The following MAP3K8 variants were observed in gnomAD, a reference collection of about 807,000 sequenced individuals.
MAP3K8 encodes the protein Ewing sarcoma transformant.
A neutral mutation model predicts 45.8 loss-of-function variants in MAP3K8; 22 were observed. The observed-to-expected ratio is 0.48, with a 90% CI of 0.34 to 0.69. The LOEUF (loss-of-function observed/expected upper bound fraction) is 0.69. Ranked by LOEUF, MAP3K8 falls within the 30% of genes least tolerant of loss-of-function variation. The pLI, the probability that MAP3K8 is intolerant of heterozygous loss-of-function variation, is 0.01. For missense variants in MAP3K8, 419 were observed against 585.0 expected, an observed-to-expected ratio of 0.72 and a Z score of 2.93; for synonymous variants, 223 against 214.3, an observed-to-expected ratio of 1.04 and a Z score of -0.36.
intron 8 of MAP3K8, among the ~76,000 whole-genome samples, chr10:30,460,352 A>G (rs1390164501): frequency 6.6e-6 from 1 of 152,232 alleles, no homozygotes; most frequent in African/African-American, 2.4e-5. Context: ...CATTTTTATT[A>G]AAAGTCTGTG....
At chr10:30,457,540 A>T (rs1162912116) in intron 6 of MAP3K8, among the ~76,000 whole-genome samples, 1 of 152,184 alleles carries the variant, frequency 6.6e-6, no homozygotes, top group Non-Finnish European at 1.5e-5. Flanking sequence ...ACTTAGCTAC[A>T]CCTGATCAGT....
Position 30,434,346 on chromosome 10 carries a change from C to A in MAP3K8, c.-287C>A, listed in dbSNP as rs1002301425. ...AACCTTCGGGGGGCCGCGGCTGGAGCGCTCGGCCGGCGTGGGAGCGCCAAG... is the reference window on the plus strand; with the variant it reads ...AACCTTCGGGGGGCCGCGGCTGGAGAGCTCGGCCGGCGTGGGAGCGCCAAG... On this transcript the variant is annotated 5_prime_UTR_variant, in exon 1 of 9. Transcript: ENST00000263056. The A allele has an allele frequency of 3.2e-6, 2 of 634,128 alleles. No homozygotes were observed. Among genetic ancestry groups the A allele is most frequent in the African/African-American group, 2.0e-5 (1 of 50,624 alleles). The allele number at this position is 634,128 out of a possible 1,614,324, so 39.3% of individuals were successfully genotyped here.
At chr10:30,451,768 G>T (rs552197626) in intron 6 of MAP3K8, 24 bp downstream of exon 6, 2 of 1,280,122 alleles carry the variant, frequency 1.6e-6, no homozygotes, top group South Asian at 2.9e-5. Context: ...CATGAAAAGG[G>T]TTACTATTTT....
At chr10:30,442,469 A>G (rs1836147279) in intron 3 of MAP3K8, among the ~76,000 whole-genome samples, 1 of 152,228 alleles carries the variant, frequency 6.6e-6, no homozygotes, top group Non-Finnish European at 1.5e-5. Flanking sequence ...CCATTGAGTT[A>G]TTTAGACAGG....
At chr10:30,434,690 A>T in intron 1 of MAP3K8, 1 of 985,438 alleles carries the variant, frequency 1.0e-6, no homozygotes, top group Non-Finnish European at 1.2e-6. Flanking sequence ...ACCCGCTGTC[A>T]CTGCGCCTCC....
At chr10:30,449,105 A>G (rs1474688618) in intron 4 of MAP3K8, among the ~76,000 whole-genome samples, 1 of 152,198 alleles carries the variant, frequency 6.6e-6, no homozygotes, top group African/African-American at 2.4e-5. Context: ...ATGAGATTCT[A>G]TTTATATAAA....
intron 6 of MAP3K8, among the ~76,000 whole-genome samples, chr10:30,457,805 C>A (rs2132832236): frequency 6.6e-6 from 1 of 152,216 alleles, no homozygotes; most frequent in Non-Finnish European, 1.5e-5. Flanking sequence ...CATCACCATG[C>A]CCAGCTGATT....
intron 5 of MAP3K8, 142 bp downstream of exon 5, chr10:30,450,661 G>A: frequency 1.5e-6 from 1 of 679,560 alleles, no homozygotes; most frequent in South Asian, 1.8e-5. Flanking sequence ...CTTCTCCAGA[G>A]ACATATCTTA....
chr10:30,442,504 C>T (rs529627770), intron 3 of MAP3K8, among the ~76,000 whole-genome samples: 5 of 152,300 alleles, frequency 3.3e-5, no homozygotes, highest in African/African-American at 1.2e-4. Flanking sequence ...ATTACAAAAG[C>T]ATCCTGAAGA....
At chr10:30,455,413 C>A (rs181192081) in intron 6 of MAP3K8, among the ~76,000 whole-genome samples, 182 of 152,290 alleles carry the variant, frequency 1.2e-3, no homozygotes, top group African/African-American at 3.9e-3. Flanking sequence ...GTATAGCTCC[C>A]AAATGCAAAC....
chr10:30,439,351 T>C (rs1836020541), intron 3 of MAP3K8, 77 bp downstream of exon 3: 2 of 1,573,514 alleles, frequency 1.3e-6, no homozygotes, highest in Admixed American at 1.8e-5. Flanking sequence ...AGAGTGGTGT[T>C]TGAATTTGGC....
intron 6 of MAP3K8, among the ~76,000 whole-genome samples, chr10:30,452,574 A>C (rs769523732): frequency 4.0e-5 from 6 of 151,744 alleles, no homozygotes; most frequent in Non-Finnish European, 7.4e-5. Context: ...TCAAGGCTGC[A>C]GTGAGCCATG....
intron 3 of MAP3K8, among the ~76,000 whole-genome samples, chr10:30,443,610 G>A (rs1410010123): frequency 1.3e-5 from 2 of 152,200 alleles, no homozygotes; most frequent in Non-Finnish European, 2.9e-5. Flanking sequence ...AGCAGAGTGG[G>A]ACAGAGCTAG....
At chr10:30,435,919 T>C (rs897371772) in intron 1 of MAP3K8, among the ~76,000 whole-genome samples, 3 of 152,260 alleles carry the variant, frequency 2.0e-5, no homozygotes, top group African/African-American at 7.2e-5. Flanking sequence ...GCTGTTATGC[T>C]GGCCATTTTC....
In MAP3K8 at chr10:30,460,987, C is replaced by G. The variant is rs1051185239; in HGVS notation, c.*151C>G. On this transcript the variant is annotated 3_prime_UTR_variant, in exon 9 of 9. Coordinates refer to ENST00000263056, the MANE Select transcript of MAP3K8 (RefSeq NM_005204.4). ...ACCCGTGAATGTGCCTCCAAGCGGC[C>G]CTGTGTGTTTGACATGTGAAGCTAT... 1 of 885,846 alleles carries G rather than the reference C, an allele frequency of 1.1e-6. No homozygotes were observed. The highest frequency in any genetic ancestry group is 2.9e-5 in the Admixed American group (1 of 34,580). The allele number at this position is 885,846 out of a possible 1,614,324, so 54.9% of individuals were successfully genotyped here.
rs979157621 is a variant in MAP3K8 at position 30,459,491 on chromosome 10, G to A, written c.1263G>A (p.Glu421=). ...LLSRKELELP[E]NIADSSCTGS... ...GTAGGAAGGAGCTGGAACTTCCTGA[G>A]AACATTGCTGGTAGGGACACCCTGC... The change falls in exon 8 of 9, where the codon GAG becomes GAA. Residue 421 remains glutamate, a synonymous_variant. Transcript: ENST00000263056. 1.2e-6 allele frequency: 2 copies of A among 1,613,726 alleles called. No homozygotes were observed. Among genetic ancestry groups the A allele is most frequent in the Middle Eastern group, 1.7e-4 (1 of 5,776 alleles).
intron 7 of MAP3K8, 32 bp downstream of exon 7, chr10:30,458,268 C>CGGGGGGGGGGGGCGGGGG: frequency 4.6e-6 from 2 of 439,434 alleles, no homozygotes; most frequent in East Asian, 5.0e-5. Flanking sequence ...CTGGGGGCGG[C>CGGGGGGGGGGGGCGGGGG]GGGGGGGGGC....
Position 30,439,170 on chromosome 10 carries a change from T to C in MAP3K8, c.232T>C (p.Tyr78His), listed in dbSNP as rs914933119. The change falls in exon 3 of 9, where the codon TAT (tyrosine) becomes CAT (histidine). Residue 78 changes from tyrosine to histidine, a missense_variant. Tyr to His is a moderately conservative substitution (Grantham distance 83). Coordinates refer to ENST00000263056, the MANE Select transcript of MAP3K8 (RefSeq NM_005204.4). ...QEVPWLSSVR[Y>H]GTVEDLLAFA... is the part of the protein sequence containing the mutation. Reference sequence around the variant, plus strand: ...GGTACCATGGTTGTCATCAGTCAGATATGGAACTGTGGAGGATTTGCTTGC... The same window carrying C: ...GGTACCATGGTTGTCATCAGTCAGACATGGAACTGTGGAGGATTTGCTTGC... 1 of 1,614,224 alleles carries C rather than the reference T, an allele frequency of 6.2e-7. No individual in the cohort carries two copies. Among genetic ancestry groups the C allele is most frequent in the East Asian group, 2.2e-5 (1 of 44,886 alleles).
chr10:30,437,997 C>A (rs1835967785), intron 2 of MAP3K8, among the ~76,000 whole-genome samples: 2 of 152,188 alleles, frequency 1.3e-5, no homozygotes, highest in Admixed American at 6.5e-5. Flanking sequence ...GCTTTACTTT[C>A]TTTTTCTCAT....
Sources: allele counts gnomAD v4.1 joint callset (sites outside exome capture counted in the v4.1 genomes callset), GRCh38; gene constraint gnomAD v4.1.1; transcripts MANE v1.5; gene names NCBI Gene and HGNC (gene_info 2026-07-23, HGNC 2026-07-21).